The following RBFOX1 variants were observed in gnomAD, a reference collection of about 807,000 sequenced individuals.
RBFOX1 encodes the protein RNA binding fox-1 homolog 1.
In RBFOX1, 8 loss-of-function variants were observed where a neutral mutation model predicts 57.7. The ratio of observed to expected loss-of-function variants is 0.14; its 90% confidence interval spans 0.08 to 0.25. The LOEUF is 0.25. Ranked by LOEUF, RBFOX1 falls within the 10% of genes least tolerant of loss-of-function variation. The probability of loss-of-function intolerance (pLI) is 1.00; values close to 1 mark genes in which losing one functional copy is unlikely to be tolerated. For synonymous variants in RBFOX1, 326 were observed against 222.4 expected (o/e 1.47, Z -4.15); for missense variants, 611 against 548.5 (o/e 1.11, Z -1.14).
chr16:7,191,147 T>G (rs939703975), intron 4 of RBFOX1, among the ~76,000 whole-genome samples: 1 of 152,172 alleles, frequency 6.6e-6, no homozygotes, highest in Non-Finnish European at 1.5e-5. Context: ...CATCATACTT[T>G]ATAGTTAGTG....
chr16:5,587,445 G>A (rs948838131), intron 2 of RBFOX1, among the ~76,000 whole-genome samples: 6 of 152,210 alleles, frequency 3.9e-5, no homozygotes, highest in East Asian at 3.9e-4. Flanking sequence ...TGGTGCGGTC[G>A]CTCACGCCTG....
intron 5 of RBFOX1, among the ~76,000 whole-genome samples, chr16:7,522,060 G>A (rs146008085): frequency 1.3e-5 from 2 of 152,314 alleles, no homozygotes; most frequent in African/African-American, 4.8e-5. Flanking sequence ...TTCAGTGGCT[G>A]AGGCTGGTAC....
chr16:7,680,031 T>C (rs1205230540), intron 14 of RBFOX1, among the ~76,000 whole-genome samples: 3 of 152,174 alleles, frequency 2.0e-5, no homozygotes. Context: ...AGGAGAGCGT[T>C]TCCTGAGCTT....
chr16:6,674,907 T>G (rs970809225), intron 3 of RBFOX1, among the ~76,000 whole-genome samples: 5 of 152,032 alleles, frequency 3.3e-5, no homozygotes, highest in Middle Eastern at 3.2e-3. Context: ...TGGTTTTTTT[T>G]GTTTGTCTTT....
chr16:6,020,175 C>T (rs9927564), intron 1 of RBFOX1, among the ~76,000 whole-genome samples, 183 bp downstream of exon 1: 78,664 of 151,580 alleles, frequency 0.52, 21,660 homozygotes, highest in African/African-American at 0.71. Context: ...TCCCCCCCTA[C>T]CCCCAGGAGG....
At chr16:7,063,302 A>T (rs1218985551) in intron 4 of RBFOX1, among the ~76,000 whole-genome samples, 1 of 151,728 alleles carries the variant, frequency 6.6e-6, no homozygotes, top group African/African-American at 2.4e-5. Context: ...ATTCCCCCCA[A>T]CCCCAGGGGA....
intron 2 of RBFOX1, among the ~76,000 whole-genome samples, chr16:5,508,339 A>G (rs28517572): frequency 0.19 from 29,101 of 152,028 alleles, 6,215 homozygotes; most frequent in African/African-American, 0.53. Context: ...CTTGCCAACT[A>G]CCTGCATCTC....
intron 3 of RBFOX1, among the ~76,000 whole-genome samples, chr16:6,824,737 C>G (rs2091876225): frequency 1.3e-5 from 2 of 151,766 alleles, no homozygotes; most frequent in South Asian, 4.2e-4. Flanking sequence ...TTGAAAAAGT[C>G]CAAAAGCTTT....
chr16:7,022,040 T>A (rs1597253254), intron 3 of RBFOX1, among the ~76,000 whole-genome samples: 1 of 58,176 alleles, frequency 1.7e-5, no homozygotes, highest in East Asian at 7.0e-4. Flanking sequence ...TCCCCTCCCC[T>A]TCCCCCTCCC....
chr16:6,205,726 T>C (rs1444872987), intron 1 of RBFOX1, among the ~76,000 whole-genome samples: 1 of 152,022 alleles, frequency 6.6e-6, no homozygotes, highest in African/African-American at 2.4e-5. Flanking sequence ...TGTATAAAAA[T>C]GGAAAGTGGT....
In RBFOX1 at chr16:7,338,555, T is replaced by C. The variant is rs1156277069; in HGVS notation, c.28-179592T>C. On this transcript the variant is annotated intron_variant, in intron 4 of 15. Coordinates refer to ENST00000550418, the MANE Select transcript of RBFOX1 (RefSeq NM_018723.4). ...AGACATGTACCACTATGCTCAGCTT[T>C]TTTAAAAAAAATTCTTTTGTAGAGA... Among the ~76,000 whole-genome samples, 8 of 152,146 alleles carry C rather than the reference T, an allele frequency of 5.3e-5. 1 individual carries two copies. The highest frequency in any genetic ancestry group is 1.0e-4 in the Non-Finnish European group (7 of 68,026).
chr16:6,817,702 C>G (rs1292265963), intron 3 of RBFOX1, among the ~76,000 whole-genome samples: 1 of 145,534 alleles, frequency 6.9e-6, no homozygotes, highest in African/African-American at 2.6e-5. Flanking sequence ...AACTCTGTCT[C>G]AAAGAAAAAA....
intron 4 of RBFOX1, among the ~76,000 whole-genome samples, chr16:5,991,074 G>A (rs2060385659): frequency 6.6e-6 from 1 of 152,200 alleles, no homozygotes; most frequent in South Asian, 2.1e-4. Flanking sequence ...AGGAAACTGA[G>A]TTTATTTTGA....
chr16:5,710,605 G>A (rs1167683001), intron 3 of RBFOX1, among the ~76,000 whole-genome samples: 2 of 152,250 alleles, frequency 1.3e-5, no homozygotes, highest in African/African-American at 4.8e-5. Flanking sequence ...TGTGATTGTT[G>A]TGGTTGGGGA....
chr16:6,504,835 C>T (rs574472627), intron 2 of RBFOX1, among the ~76,000 whole-genome samples: 1 of 152,140 alleles, frequency 6.6e-6, no homozygotes, highest in South Asian at 2.1e-4. Context: ...GTGGGTGAAT[C>T]ACGAGGTCAG....
intron 3 of RBFOX1, among the ~76,000 whole-genome samples, chr16:6,884,009 G>GA (rs1317367578): frequency 2.0e-5 from 3 of 152,162 alleles, no homozygotes; most frequent in African/African-American, 7.2e-5. Context: ...CACACACAAG[G>GA]AGGGGGTGTT....
chr16:6,821,112 A>G (rs564999845), intron 3 of RBFOX1, among the ~76,000 whole-genome samples: 140 of 152,346 alleles, frequency 9.2e-4, no homozygotes, highest in Non-Finnish European at 1.6e-3. Flanking sequence ...CTACACCATT[A>G]AAAAACAATA....
intron 4 of RBFOX1, among the ~76,000 whole-genome samples, chr16:7,309,324 G>A (rs557638348): frequency 3.3e-5 from 5 of 152,332 alleles, no homozygotes; most frequent in East Asian, 1.9e-4. Flanking sequence ...ATGGAGGGCC[G>A]CGTGTTGTGG....
At chr16:7,683,968 G>T (rs559151247) in intron 14 of RBFOX1, among the ~76,000 whole-genome samples, 1 of 152,162 alleles carries the variant, frequency 6.6e-6, no homozygotes, top group Non-Finnish European at 1.5e-5. Flanking sequence ...GTTGTTCTTT[G>T]TTTGGGTTTT....
Sources: allele counts gnomAD v4.1 joint callset (sites outside exome capture counted in the v4.1 genomes callset), GRCh38; gene constraint gnomAD v4.1.1; transcripts MANE v1.5; gene names NCBI Gene and HGNC (gene_info 2026-07-23, HGNC 2026-07-21).